Variants in CPNE3 observed in about 807,000 individuals in gnomAD.
CPNE3 encodes copine 3, also known as copine-3.
A neutral mutation model predicts 63.9 loss-of-function variants in CPNE3; 68 were observed. That is an observed-to-expected ratio of 1.06 (90% CI 0.87 to 1.30). The LOEUF is 1.30. CPNE3 is among the 50% of genes most tolerant of loss of function. The pLI is 0.00. For synonymous variants in CPNE3, 219 were observed against 197.5 expected (o/e 1.11, Z -0.91); for missense variants, 665 against 578.1 (o/e 1.15, Z -1.54).
At chr8:86,531,361 C>A (rs538750570) in intron 5 of CPNE3, 132 bp downstream of exon 5, 3 of 661,562 alleles carry the variant, frequency 4.5e-6, no homozygotes, top group East Asian at 2.8e-5. Flanking sequence ...TCCATCCACC[C>A]ATGTCTTGTA....
Position 86,531,180 on chromosome 8 carries a change from G to A in CPNE3, c.338G>A (p.Arg113Gln), listed in dbSNP as rs745622693. 6.9e-6 allele frequency: 9 copies of A among 1,298,988 alleles called. 1 individual carries two copies. The East Asian group carries it at 1.4e-4, about 20-fold the overall frequency. The allele number at this position is 1,298,988 out of a possible 1,614,324, so 80.5% of individuals were successfully genotyped here. The change falls in exon 5 of 17, where the codon CGA (arginine) becomes CAA (glutamine). Residue 113 changes from arginine (R) to glutamine (Q), a missense_variant. Physicochemically the swap from Arg to Gln is conservative, Grantham distance 43. Coordinates refer to ENST00000517490, the MANE Select transcript of CPNE3 (RefSeq NM_003909.5). ...ATTGTTTCCAGCAAGAAGCTAACTC[G>A]ACCACTGGTGATGAAAACTGGCAGA... ...GQIVSSKKLT[R>Q]PLVMKTGRPA... is the part of the protein sequence containing the mutation.
chr8:86,556,407 G>C lies in CPNE3; in HGVS notation c.1491+69G>C, dbSNP rs180681097. 4 of 845,800 alleles carry C rather than the reference G, an allele frequency of 4.7e-6. No homozygotes were observed. The East Asian group carries it at 9.6e-5, about 20-fold the overall frequency. The allele number at this position is 845,800 out of a possible 1,614,324, so 52.4% of individuals were successfully genotyped here. On this transcript the variant is annotated intron_variant, in intron 16 of 16. Transcript: ENST00000517490. ...ACAGACCTTTGCCCATCTACAACCA[G>C]GCAGTTGATTAGGTGTGCAGGGTTA...
At chr8:86,528,895 A>G (rs1820602023) in intron 3 of CPNE3, 50 bp from the exon 4 acceptor site, 2 of 1,503,014 alleles carry the variant, frequency 1.3e-6, no homozygotes, top group Admixed American at 3.9e-5. Context: ...TGAAAATCCA[A>G]GTGCACCTTT....
At chr8:86,552,358 T>C (rs1542081) in intron 14 of CPNE3, among the ~76,000 whole-genome samples, 14,875 of 152,220 alleles carry the variant, frequency 0.098, 988 homozygotes, top group East Asian at 0.34. Flanking sequence ...AGTGACTGGT[T>C]GTGACCTCTT....
chr8:86,527,230 T>G (rs1006593362), intron 2 of CPNE3, among the ~76,000 whole-genome samples: 3 of 152,162 alleles, frequency 2.0e-5, no homozygotes, highest in Non-Finnish European at 4.4e-5. Context: ...CCTTCCCTCC[T>G]GCAGAACCTG....
At chr8:86,556,541 T>G (rs1191777823) in intron 16 of CPNE3, among the ~76,000 whole-genome samples, 1 of 152,246 alleles carries the variant, frequency 6.6e-6, no homozygotes, top group Non-Finnish European at 1.5e-5. Flanking sequence ...TGATAAATTG[T>G]TTTAAAATAG....
At position 86,531,265 on chromosome 8, in the gene CPNE3, T is replaced by C. The variant is rs771847586; in HGVS notation, c.387+36T>C. 1.1e-5 allele frequency: 10 copies of C among 900,144 alleles called. No individual in the cohort carries two copies. The South Asian group carries it at 1.3e-4, about 12-fold the overall frequency. The allele number at this position is 900,144 out of a possible 1,614,324, so 55.8% of individuals were successfully genotyped here. ...GATATTTGTCTTTTGTCTCAAAAGA[T>C]TTAGCATAACAGGACATGCCGAAAC... On this transcript the variant is annotated intron_variant, in intron 5 of 16. Coordinates refer to ENST00000517490, the MANE Select transcript of CPNE3 (RefSeq NM_003909.5).
At chr8:86,546,110 C>A (rs1821042848) in intron 9 of CPNE3, among the ~76,000 whole-genome samples, 1 of 151,956 alleles carries the variant, frequency 6.6e-6, no homozygotes, top group Non-Finnish European at 1.5e-5. Flanking sequence ...AAGAGAAGAT[C>A]TTTGATGCAT....
chr8:86,556,479 G>A, intron 16 of CPNE3, 141 bp downstream of exon 16: 1 of 680,490 alleles, frequency 1.5e-6, no homozygotes, highest in South Asian at 1.7e-5. Context: ...GCTCCGATTT[G>A]GTTTAGCAGT....
chr8:86,524,848 T>TTTTCTTTCTTTCTTTCTTTTTTTCTTTC (rs1820507164), intron 2 of CPNE3: 1 of 133,576 alleles, frequency 7.5e-6, no homozygotes, highest in Non-Finnish European at 1.7e-5. Flanking sequence ...ATTTTTTCAT[T>TTTTCTTTCTTTCTTTCTTTTTTTCTTTC]TTTCTTTCTT....
At chr8:86,542,607 T>C (rs1025855418) in intron 8 of CPNE3, among the ~76,000 whole-genome samples, 1 of 151,836 alleles carries the variant, frequency 6.6e-6, no homozygotes, top group African/African-American at 2.4e-5. Flanking sequence ...ATATATTATA[T>C]ACTTGCATAT....
chr8:86,545,059 A>C (rs1821018853), intron 9 of CPNE3: 1 of 291,516 alleles, frequency 3.4e-6, no homozygotes, highest in Non-Finnish European at 6.3e-6. Context: ...CCAGATGAGG[A>C]CTCCAACTAC....
chr8:86,557,321 A>G (rs1821345941), intron 16 of CPNE3, among the ~76,000 whole-genome samples: 1 of 152,108 alleles, frequency 6.6e-6, no homozygotes, highest in Admixed American at 6.5e-5. Context: ...TTTTTAGTAG[A>G]GACAGGGTTT....
rs184822295 is a variant in CPNE3, at chr8:86,537,625, G to A, written c.522G>A (p.Trp174Ter). 77 of 1,605,450 alleles carry A rather than the reference G, an allele frequency of 4.8e-5. No homozygotes were observed. The highest frequency in any genetic ancestry group is 2.8e-4 in the Admixed American group (17 of 59,980). Residue 174 changes from tryptophan (W) to a stop codon, truncating the protein, a stop_gained, in exon 7 of 17, where the codon TGG becomes TGA. Coordinates refer to ENST00000517490, the MANE Select transcript of CPNE3 (RefSeq NM_003909.5). LOFTEE classifies it high-confidence loss of function. ...ACAAGCAGACATCTGATGGAAACTG[G>A]CTAATGGTTCATCGGACAGAGGTGA... ...EFHKQTSDGN[W>*]LMVHRTEVVK...
At chr8:86,529,554 A>T (rs1820623842) in intron 4 of CPNE3, among the ~76,000 whole-genome samples, 2 of 152,072 alleles carry the variant, frequency 1.3e-5, no homozygotes. Context: ...ACTCAACCTT[A>T]TTCCCCCTGA....
chr8:86,517,752 T>G (rs1331950347), intron 2 of CPNE3, among the ~76,000 whole-genome samples: 1 of 152,254 alleles, frequency 6.6e-6, no homozygotes, highest in Non-Finnish European at 1.5e-5. Flanking sequence ...TCTGCCTTCC[T>G]GCAGTGTAAC....
intron 5 of CPNE3, among the ~76,000 whole-genome samples, chr8:86,531,916 G>T (rs1344718373): frequency 6.6e-6 from 1 of 152,132 alleles, no homozygotes; most frequent in Non-Finnish European, 1.5e-5. Flanking sequence ...TATGTTTCAA[G>T]GTTATCATGA....
intron 10 of CPNE3, 124 bp from the exon 11 acceptor site, chr8:86,547,587 G>A (rs1392220231): frequency 3.1e-6 from 2 of 636,816 alleles, no homozygotes; most frequent in East Asian, 5.8e-5. Context: ...GAATGCAGGG[G>A]TAATTTCCAT....
chr8:86,539,984 T>A (rs529111841), intron 7 of CPNE3, among the ~76,000 whole-genome samples: 62 of 152,188 alleles, frequency 4.1e-4, no homozygotes, highest in South Asian at 1.7e-3. Context: ...AGTTCCTAAG[T>A]GCTCCTTGTA....
Sources: gnomAD v4.1 joint callset for allele counts (sites outside exome capture counted in the v4.1 genomes callset) on GRCh38, gnomAD v4.1.1 for gene constraint, MANE v1.5 for transcripts, NCBI Gene and HGNC (gene_info 2026-07-23, HGNC 2026-07-21) for gene names.